Variants in OSBPL10 observed in about 807,000 individuals in gnomAD.
The protein encoded by OSBPL10 is oxysterol-binding protein-related protein 10.
OSBPL10 carries 49 observed loss-of-function variants against 81.7 expected under a neutral mutation model. The ratio of observed to expected loss-of-function variants is 0.60; its 90% confidence interval spans 0.48 to 0.76. The LOEUF (loss-of-function observed/expected upper bound fraction) is 0.76. Among genes scored for constraint, OSBPL10 ranks in the 30% least tolerant of loss-of-function variants. OSBPL10 has a pLI of 0.00. For missense variants in OSBPL10, 923 were observed against 987.8 expected, an observed-to-expected ratio of 0.93 and a Z score of 0.88; for synonymous variants, 419 against 383.6, an observed-to-expected ratio of 1.09 and a Z score of -1.08.
chr3:31,951,557 T>C (rs899341523), intron 1 of OSBPL10, among the ~76,000 whole-genome samples: 3 of 151,928 alleles, frequency 2.0e-5, no homozygotes, highest in Non-Finnish European at 4.4e-5. Context: ...AGCTCATGCC[T>C]GTTCATTTTC....
intron 1 of OSBPL10, among the ~76,000 whole-genome samples, chr3:31,887,727 C>A (rs1695776464): frequency 6.6e-6 from 1 of 152,178 alleles, no homozygotes; most frequent in Non-Finnish European, 1.5e-5. Context: ...AAGTAAGACA[C>A]TGGATCCTAC....
chr3:32,075,803 C>T (rs144033323), intron 1 of OSBPL10, among the ~76,000 whole-genome samples: 2,557 of 152,300 alleles, frequency 0.017, 69 homozygotes, highest in African/African-American at 0.058. Flanking sequence ...CAAGCTAAGC[C>T]ATCATATCCC....
intron 1 of OSBPL10, among the ~76,000 whole-genome samples, chr3:32,054,635 G>T (rs541170589): frequency 3.6e-5 from 5 of 139,000 alleles, no homozygotes; most frequent in African/African-American, 1.3e-4. Context: ...AGGTTCAAAC[G>T]ATTCTCCTGC....
chr3:32,028,177 A>G (rs4955224), intron 2 of OSBPL10, among the ~76,000 whole-genome samples: 113,242 of 152,168 alleles, frequency 0.74, 44,033 homozygotes, highest in East Asian at 1. Flanking sequence ...GTGCATACTC[A>G]TAGATATAAA....
intron 4 of OSBPL10, among the ~76,000 whole-genome samples, chr3:31,790,177 A>G (rs750182929): frequency 5.3e-5 from 8 of 152,232 alleles, no homozygotes; most frequent in Non-Finnish European, 8.8e-5. Context: ...AATTACAGAA[A>G]TGTACATTGT....
At chr3:31,979,350 C>G (rs1418028099) in intron 1 of OSBPL10, among the ~76,000 whole-genome samples, 1 of 152,150 alleles carries the variant, frequency 6.6e-6, no homozygotes, top group Non-Finnish European at 1.5e-5. Flanking sequence ...TCAGAAAGTC[C>G]TATATGTAGA....
intron 1 of OSBPL10, among the ~76,000 whole-genome samples, chr3:31,915,751 A>G (rs1466267476): frequency 4.9e-5 from 7 of 143,542 alleles, no homozygotes. Context: ...CCAAATCTAA[A>G]ATAAAAGTTG....
At chr3:31,941,867 TTTC>T (rs376409836) in intron 1 of OSBPL10, among the ~76,000 whole-genome samples, 10 of 152,370 alleles carry the variant, frequency 6.6e-5, no homozygotes, top group African/African-American at 2.4e-4. Context: ...GCTAGCTGTA[TTTC>T]TTCAAGTGCT....
At position 31,965,698 on chromosome 3, in the gene OSBPL10, A is replaced by ATTATATATTATATATTTTATATAAT. The variant is rs1553644513; in HGVS notation, c.281+15200_281+15201insATTATATAAAATATATAATATATAA. Among the ~76,000 whole-genome samples the ATTATATATTATATATTTTATATAAT allele has an allele frequency of 4.7e-5, 2 of 42,266 alleles. 1 individual carries two copies. The highest frequency in any genetic ancestry group is 4.5e-4 in the African/African-American group (2 of 4,450). The allele number at this position is 42,266 out of a possible 152,430, so 27.7% of individuals were successfully genotyped here. On this transcript the variant is annotated intron_variant, in intron 1 of 11. Coordinates refer to ENST00000396556, the MANE Select transcript of OSBPL10 (RefSeq NM_017784.5). ...ATAATATATATTATATAAAATATAT[A>ATTATATATTATATATTTTATATAAT]ATATATTATATAAAATATATAATAT...
At chr3:31,920,139 G>A (rs1204396391) in intron 1 of OSBPL10, among the ~76,000 whole-genome samples, 2 of 152,190 alleles carry the variant, frequency 1.3e-5, no homozygotes, top group African/African-American at 4.8e-5. Flanking sequence ...ATCAGGGGTT[G>A]CTAGTGGTTT....
intron 7 of OSBPL10, 115 bp from the exon 8 acceptor site, chr3:31,684,229 A>G: frequency 7.1e-7 from 1 of 1,399,422 alleles, no homozygotes; most frequent in East Asian, 2.4e-5. Context: ...CCAGCCAGGG[A>G]GCAGTCTGTT....
intron 2 of OSBPL10, among the ~76,000 whole-genome samples, chr3:31,993,126 A>T (rs1379901574): frequency 6.6e-6 from 1 of 152,152 alleles, no homozygotes; most frequent in Admixed American, 6.5e-5. Context: ...TGTTTCCCGC[A>T]TATTCAAAGA....
At chr3:31,794,839 G>T in intron 4 of OSBPL10, 1 of 369,554 alleles carries the variant, frequency 2.7e-6, no homozygotes, top group Non-Finnish European at 5.4e-6. Context: ...CAGGAGTGGG[G>T]CATGTGGGAA....
At chr3:31,981,525 C>T (rs1332724380), upstream of OSBPL10, among the ~76,000 whole-genome samples, 1 of 152,250 alleles carries the variant, frequency 6.6e-6, no homozygotes, top group Admixed American at 6.5e-5. This position sits in a 1 kb window ranked among gnomAD's most constrained non-coding sequence, Gnocchi z 4.5. Context: ...CCTCTCAGGC[C>T]CTCGGGACAC....
intron 2 of OSBPL10, among the ~76,000 whole-genome samples, chr3:32,023,825 T>C (rs1206511887): frequency 6.6e-6 from 1 of 152,234 alleles, no homozygotes; most frequent in Admixed American, 6.5e-5. Flanking sequence ...TTTTCTATAC[T>C]GGCATTTCCT....
chr3:31,758,768 T>C (rs1697955771), intron 4 of OSBPL10, among the ~76,000 whole-genome samples: 1 of 152,254 alleles, frequency 6.6e-6, no homozygotes, highest in African/African-American at 2.4e-5. Context: ...CAATTGCATG[T>C]GTACATATTT....
intron 1 of OSBPL10, among the ~76,000 whole-genome samples, chr3:31,977,889 G>A (rs1335042889): frequency 6.6e-6 from 1 of 152,166 alleles, no homozygotes. Context: ...CTCATCCAGT[G>A]AGTGTGAGCC....
intron 1 of OSBPL10, among the ~76,000 whole-genome samples, chr3:31,910,360 C>T (rs1225746849): frequency 1.3e-5 from 2 of 151,642 alleles, no homozygotes; most frequent in African/African-American, 4.8e-5. Flanking sequence ...GGGGGCCGGG[C>T]GCGGTGGCTC....
chr3:31,971,751 C>T (rs190878432), intron 1 of OSBPL10, among the ~76,000 whole-genome samples: 5 of 98,186 alleles, frequency 5.1e-5, no homozygotes, highest in East Asian at 3.0e-4. Flanking sequence ...ATCAGCCCAC[C>T]GCCAGCTTTT....
Sources: allele counts gnomAD v4.1 joint callset (sites outside exome capture counted in the v4.1 genomes callset), GRCh38; gene constraint gnomAD v4.1.1; non-coding constraint Gnocchi (gnomAD v3.1); transcripts MANE v1.5; gene names NCBI Gene and HGNC (gene_info 2026-07-23, HGNC 2026-07-21).